HPN: variants seen among roughly 807,000 people sequenced by gnomAD.
The protein encoded by HPN is hepsin, also known as serine protease hepsin.
A neutral mutation model predicts 55.9 loss-of-function variants in HPN; 13 were observed. The observed-to-expected ratio is 0.23, with a 90% CI of 0.15 to 0.37. The LOEUF (loss-of-function observed/expected upper bound fraction) is 0.37. Ranked by LOEUF, HPN falls within the 10% of genes least tolerant of loss-of-function variation. HPN has a pLI of 1.00. For missense variants in HPN, 451 were observed against 575.8 expected (o/e 0.78, Z 2.22); for synonymous variants, 225 against 240.3 (o/e 0.94, Z 0.59).
chr19:35,056,721 A>G (rs1426629934), intron 4 of HPN, among the ~76,000 whole-genome samples: 1 of 152,196 alleles, frequency 6.6e-6, no homozygotes, highest in Admixed American at 6.5e-5. Context: ...AGCAAAGCCC[A>G]GGACTGTCTC....
upstream of HPN, chr19:35,041,688 T>TCCCCCC: frequency 1.6e-6 from 1 of 638,114 alleles, no homozygotes; most frequent in Non-Finnish European, 2.0e-6. Flanking sequence ...CCCCGCCCCT[T>TCCCCCC]CACCCGCCCC....
chr19:35,065,796 C>A, intron 11 of HPN, 72 bp from the exon 12 acceptor site: 1 of 1,536,390 alleles, frequency 6.5e-7, no homozygotes, highest in Admixed American at 2.0e-5. Context: ...GGGCCACAGC[C>A]CATGTCATCC....
Position 35,059,745 on chromosome 19 carries a change from C to T in HPN, c.233C>T (p.Ser78Phe). The T allele has an allele frequency of 6.3e-7, 1 of 1,592,338 alleles. No homozygotes were observed. Among genetic ancestry groups the T allele is most frequent in the Non-Finnish European group, 8.5e-7 (1 of 1,170,260 alleles). The change falls in exon 5 of 13, where the codon TCC (serine) becomes TTC (phenylalanine). Residue 78 changes from serine (S) to phenylalanine (F), a missense_variant. Physicochemically the swap from Ser to Phe is radical, Grantham distance 155. Coordinates refer to ENST00000672452, the MANE Select transcript of HPN (RefSeq NM_001384133.1). ...KTEGTWRLLC[S>F]SRSNARVAGL... ...GAAGGGACGTGGCGGCTGCTGTGCT[C>T]CTCGCGCTCCAACGCCAGGGTAGCC...
At chr19:35,049,639 G>A (rs1568357164) in intron 4 of HPN, 123 bp downstream of exon 4, 11 of 935,226 alleles carry the variant, frequency 1.2e-5, no homozygotes, top group Non-Finnish European at 8.1e-6. Context: ...AATCATAATA[G>A]TGCATTTGTA....
rs1304863245 is a variant in HPN, at chr19:35,042,672, TTAAC to T, written c.16+153_16+156del. The T allele has an allele frequency of 9.5e-6, 6 of 633,912 alleles. No individual in the cohort carries two copies. In the Admixed American group the frequency reaches 1.1e-4, roughly 12 times the overall value. 39.3% of individuals were successfully genotyped at this position (633,912 alleles called of 1,614,324 possible). A position where few individuals can be genotyped will look rare whatever the true frequency, so the allele number is the denominator to read the frequency against. Reference sequence around the variant, plus strand: ...CCCCTGTTAGTCCTCCTCCACCTGATTAACTATTAACCACATTTTCTGTGCAGCT... The same window carrying T: ...CCCCTGTTAGTCCTCCTCCACCTGATTATTAACCACATTTTCTGTGCAGCT... On this transcript the variant is annotated intron_variant, in intron 2 of 12. Coordinates refer to ENST00000672452, the MANE Select transcript of HPN (RefSeq NM_001384133.1).
chr19:35,040,858 T>A (rs1251618412), upstream of HPN, among the ~76,000 whole-genome samples: 1 of 151,128 alleles, frequency 6.6e-6, no homozygotes, highest in Non-Finnish European at 1.5e-5. Context: ...GCGGTGGAGG[T>A]GGGTTTGGCT....
intron 2 of HPN, among the ~76,000 whole-genome samples, chr19:35,045,667 A>G (rs1301524355): frequency 6.6e-6 from 1 of 151,636 alleles, no homozygotes; most frequent in Non-Finnish European, 1.5e-5. Flanking sequence ...CCCAGTAGAG[A>G]CACGCAGGGA....
chr19:35,055,746 G>A (rs184836667), intron 4 of HPN, among the ~76,000 whole-genome samples: 5 of 151,732 alleles, frequency 3.3e-5, no homozygotes, highest in Admixed American at 2.6e-4. Flanking sequence ...TCCCACAAAG[G>A]GGATATGACT....
In HPN at chr19:35,049,191, T is replaced by C. The variant is rs1048249631; in HGVS notation, c.17-99T>C. The C allele has an allele frequency of 3.8e-6, 3 of 782,268 alleles. No individual in the cohort carries two copies. The Admixed American group carries it at 8.9e-5, about 23-fold the overall frequency. The allele number at this position is 782,268 out of a possible 1,614,324, so 48.5% of individuals were successfully genotyped here. A position where few individuals can be genotyped will look rare whatever the true frequency, so the allele number is the denominator to read the frequency against. On this transcript the variant is annotated intron_variant, in intron 2 of 12. Transcript: ENST00000672452. ...CTGGGGAGGACATGCTTGGGCATAA[T>C]AAGTTAGCCCTGGGGGCAGGGCAGA...
intron 4 of HPN, among the ~76,000 whole-genome samples, chr19:35,054,395 G>A (rs1364893828): frequency 2.1e-5 from 3 of 145,234 alleles, no homozygotes; most frequent in Non-Finnish European, 4.5e-5. Flanking sequence ...TCCAGCCTGA[G>A]CAACAGAGCA....
At chr19:35,057,571 A>G (rs1201110311) in intron 4 of HPN, among the ~76,000 whole-genome samples, 1 of 152,212 alleles carries the variant, frequency 6.6e-6, no homozygotes, top group Non-Finnish European at 1.5e-5. Context: ...AAAATGATTA[A>G]ATATTATTTA....
intron 9 of HPN, among the ~76,000 whole-genome samples, chr19:35,064,977 A>G (rs1457793472): frequency 1.3e-5 from 2 of 152,066 alleles, no homozygotes; most frequent in Non-Finnish European, 2.9e-5. Flanking sequence ...GCGTGCCACC[A>G]TGCCCGGCTA....
chr19:35,046,924 G>C (rs1052413756), intron 2 of HPN, among the ~76,000 whole-genome samples: 1 of 152,078 alleles, frequency 6.6e-6, no homozygotes, highest in Non-Finnish European at 1.5e-5. Context: ...TGCCTCCCGG[G>C]TTCAAGCCAT....
At chr19:35,063,540 C>G (rs1355051915) in intron 9 of HPN, among the ~76,000 whole-genome samples, 1 of 152,192 alleles carries the variant, frequency 6.6e-6, no homozygotes, top group East Asian at 1.9e-4. Flanking sequence ...GAAACCCCAT[C>G]TCTACTAAAA....
Position 35,048,271 on chromosome 19 carries a change from T to C in HPN, c.17-1019T>C, listed in dbSNP as rs375137366. 3.9e-5 allele frequency among the ~76,000 whole-genome samples: 6 copies of C among 152,356 alleles called. No individual in the cohort carries two copies. The East Asian group carries it at 9.6e-4, about 24-fold the overall frequency. The stretch of plus-strand genomic sequence containing the variant: ...TACACAGGGGACCTGGCATCAAACC[T>C]GCCCAGGGTTCTGGACGCTGCTCTG... On this transcript the variant is annotated intron_variant, in intron 2 of 12. Coordinates refer to ENST00000672452, the MANE Select transcript of HPN (RefSeq NM_001384133.1).
intron 1 of HPN, 37 bp from the exon 2 acceptor site, chr19:35,042,416 T>C: frequency 6.5e-7 from 1 of 1,532,332 alleles, no homozygotes; most frequent in Non-Finnish European, 8.8e-7. Context: ...TGGGCTGGGC[T>C]CCCCCAGGCC....
At chr19:35,061,205 T>C (rs979635973) in intron 9 of HPN, among the ~76,000 whole-genome samples, 1 of 151,870 alleles carries the variant, frequency 6.6e-6, no homozygotes, top group Non-Finnish European at 1.5e-5. Context: ...ATAAAGAAAA[T>C]GTGGTATATT....
intron 2 of HPN, among the ~76,000 whole-genome samples, chr19:35,044,758 C>CT (rs1285657685): frequency 2.0e-5 from 3 of 152,154 alleles, no homozygotes; most frequent in African/African-American, 7.2e-5. Flanking sequence ...CTGGGGGGTA[C>CT]TAGGGAGTCA....
chr19:35,046,709 C>T (rs1257982161), intron 2 of HPN, among the ~76,000 whole-genome samples: 4 of 152,270 alleles, frequency 2.6e-5, no homozygotes, highest in East Asian at 1.9e-4. Context: ...GGGTGCTTTG[C>T]GGCTGCCAAG....
Sources: allele counts gnomAD v4.1 joint callset (sites outside exome capture counted in the v4.1 genomes callset), GRCh38; gene constraint gnomAD v4.1.1; transcripts MANE v1.5; gene names NCBI Gene and HGNC (gene_info 2026-07-23, HGNC 2026-07-21).